The following MYO3B variants were observed in gnomAD, a reference collection of about 807,000 sequenced individuals.
MYO3B encodes the protein myosin-IIIb.
MYO3B carries 156 observed loss-of-function variants against 174.6 expected under a neutral mutation model. That is an observed-to-expected ratio of 0.89 (90% CI 0.78 to 1.02). MYO3B has a LOEUF of 1.02. Among genes scored for constraint, MYO3B ranks in the 50% least tolerant of loss-of-function variants. MYO3B has a pLI of 0.00. For missense variants in MYO3B, 1,632 were observed against 1,639.4 expected, an observed-to-expected ratio of 1.00 and a Z score of 0.08; for synonymous variants, 563 against 569.1, an observed-to-expected ratio of 0.99 and a Z score of 0.15.
intron 32 of MYO3B, among the ~76,000 whole-genome samples, chr2:170,627,976 C>T (rs1696607207): frequency 6.6e-6 from 1 of 152,190 alleles, no homozygotes; most frequent in African/African-American, 2.4e-5. Flanking sequence ...GGGTGCCTCC[C>T]AGTTAGGCTA....
chr2:170,405,565 C>A lies in MYO3B; in HGVS notation c.2452C>A (p.Arg818=). 6.2e-7 allele frequency: 1 copy of A among 1,614,092 alleles called. No individual in the cohort carries two copies. Among genetic ancestry groups the A allele is most frequent in the Non-Finnish European group, 8.5e-7 (1 of 1,179,968 alleles). ...CACAGATAAATTTGAAGATAATCTA[C>A]GATGCAAATACTTCTGGAGGCCCAA... ...TLVDKFEDNL[R]CKYFWRPKGV... The change falls in exon 21 of 35, where the codon CGA becomes AGA. Residue 818 remains arginine (R), a synonymous_variant. Transcript: ENST00000408978.
chr2:170,494,882 C>T lies in MYO3B; in HGVS notation c.3015-3710C>T, dbSNP rs973471386. 2.0e-5 allele frequency among the ~76,000 whole-genome samples: 3 copies of T among 152,058 alleles called. No individual in the cohort carries two copies. The East Asian group carries it at 5.8e-4, about 29-fold the overall frequency. ...ACCAGACTTTCACAGAGCCTTGAGC[C>T]CCATGTCCTTCTCCCTACCCAAGAT... On this transcript the variant is annotated intron_variant, in intron 25 of 34. Transcript: ENST00000408978.
chr2:170,545,071 T>C (rs1240908731), intron 32 of MYO3B, among the ~76,000 whole-genome samples: 2 of 152,254 alleles, frequency 1.3e-5, no homozygotes, highest in Admixed American at 6.5e-5. Context: ...ATTATTGATA[T>C]GTTTTGGTTT....
intron 32 of MYO3B, among the ~76,000 whole-genome samples, chr2:170,628,348 G>C (rs564436320): frequency 1.3e-5 from 2 of 152,334 alleles, no homozygotes; most frequent in East Asian, 1.9e-4. Context: ...CTCTGAGCCA[G>C]GCGCAGGATA....
intron 22 of MYO3B, among the ~76,000 whole-genome samples, chr2:170,410,592 G>GAAAAAAAAAAAAAAAAA (rs59296953): frequency 8.9e-6 from 1 of 112,526 alleles, no homozygotes. Flanking sequence ...CAAAAAAAAA[G>GAAAAAAAAAAAAAAAAA]AAAAAAAAAA....
intron 32 of MYO3B, among the ~76,000 whole-genome samples, chr2:170,563,565 A>G (rs753815425): frequency 1.3e-5 from 2 of 152,224 alleles, no homozygotes; most frequent in Non-Finnish European, 2.9e-5. Context: ...AGACTAGTCT[A>G]TACAGGTCAG....
intron 20 of MYO3B, among the ~76,000 whole-genome samples, chr2:170,404,867 C>T (rs1393338592): frequency 1.3e-5 from 2 of 152,212 alleles, no homozygotes; most frequent in East Asian, 3.8e-4. Context: ...GCCACCTTCT[C>T]ATTAGGTTAC....
At chr2:170,326,175 A>G (rs201836223) in intron 7 of MYO3B, among the ~76,000 whole-genome samples, 1 of 150,556 alleles carries the variant, frequency 6.6e-6, no homozygotes, top group East Asian at 1.9e-4. Context: ...TTGAGGAGTG[A>G]TTCTACATCT....
At chr2:170,411,584 T>C (rs1017077388) in intron 22 of MYO3B, 2 of 152,260 alleles carry the variant, frequency 1.3e-5, no homozygotes, top group African/African-American at 4.8e-5. Flanking sequence ...CGCATGACAC[T>C]ACTGGGGCTT....
chr2:170,583,012 C>T (rs1385031093), intron 32 of MYO3B, among the ~76,000 whole-genome samples: 2 of 151,990 alleles, frequency 1.3e-5, no homozygotes, highest in African/African-American at 4.8e-5. Flanking sequence ...CTGACAGCTC[C>T]CCCTGCCCTG....
At chr2:170,183,666 CTA>C (rs796965163) in intron 1 of MYO3B, among the ~76,000 whole-genome samples, 17 of 152,050 alleles carry the variant, frequency 1.1e-4, no homozygotes, top group African/African-American at 4.1e-4. Flanking sequence ...GTGTTTATTT[CTA>C]TGTTTTTTTG....
chr2:170,234,015 C>T (rs1476537101), intron 6 of MYO3B, among the ~76,000 whole-genome samples: 4 of 151,128 alleles, frequency 2.6e-5, no homozygotes, highest in Non-Finnish European at 4.4e-5. Flanking sequence ...ACTAAAAATA[C>T]AAAAAATTAG....
chr2:170,294,263 C>G (rs1157453092), intron 7 of MYO3B, among the ~76,000 whole-genome samples: 2 of 151,656 alleles, frequency 1.3e-5, no homozygotes, highest in Non-Finnish European at 1.5e-5. Flanking sequence ...TTCTCTACCA[C>G]CAATCTTGAG....
At chr2:170,466,817 AT>A (rs1453108367) in intron 25 of MYO3B, 106 bp downstream of exon 25, 34 of 1,173,688 alleles carry the variant, frequency 2.9e-5, no homozygotes, top group Non-Finnish European at 4.0e-5. Context: ...CAAACATGTA[AT>A]TGGCTAGTTG....
At chr2:170,558,988 C>T (rs1052990053) in intron 32 of MYO3B, among the ~76,000 whole-genome samples, 8 of 152,222 alleles carry the variant, frequency 5.3e-5, no homozygotes, top group Non-Finnish European at 7.3e-5. Flanking sequence ...TTTGGTGCTG[C>T]ATGGAGTTAT....
intron 1 of MYO3B, among the ~76,000 whole-genome samples, chr2:170,198,958 T>C (rs1429356270): frequency 1.3e-5 from 2 of 152,202 alleles, no homozygotes; most frequent in Non-Finnish European, 2.9e-5. Context: ...CTGTGGTGTG[T>C]ACATAATTTC....
chr2:170,646,298 G>A (rs1698370230), intron 32 of MYO3B, among the ~76,000 whole-genome samples: 1 of 151,448 alleles, frequency 6.6e-6, no homozygotes, highest in Admixed American at 6.6e-5. Flanking sequence ...TGTTATGTCT[G>A]TCTGTCTTCA....
intron 32 of MYO3B, among the ~76,000 whole-genome samples, chr2:170,626,152 G>A (rs1304297864): frequency 1.3e-5 from 2 of 152,186 alleles, no homozygotes; most frequent in East Asian, 3.9e-4. Flanking sequence ...TTGACCGTGG[G>A]GTGTTGAAGT....
intron 14 of MYO3B, among the ~76,000 whole-genome samples, 157 bp from the exon 15 acceptor site, chr2:170,391,363 A>T (rs779467876): frequency 8.5e-5 from 13 of 152,194 alleles, no homozygotes; most frequent in South Asian, 2.1e-4. Flanking sequence ...TACTATACTA[A>T]TCCTATCACT....
Sources: allele counts gnomAD v4.1 joint callset (sites outside exome capture counted in the v4.1 genomes callset), GRCh38; gene constraint gnomAD v4.1.1; transcripts MANE v1.5; gene names NCBI Gene and HGNC (gene_info 2026-07-23, HGNC 2026-07-21).